ILDR2: variants seen among roughly 807,000 people sequenced by gnomAD.
The protein encoded by ILDR2 is immunoglobulin like domain containing receptor 2, also known as immunoglobulin-like domain-containing receptor 2.
Under a neutral mutation model 66.8 loss-of-function variants are expected in ILDR2, and 25 were observed. That is an observed-to-expected ratio of 0.37 (90% CI 0.27 to 0.52). The LOEUF (loss-of-function observed/expected upper bound fraction) is 0.52. ILDR2 is among the 20% of genes least tolerant of loss of function. ILDR2 has a pLI of 0.88. For synonymous variants in ILDR2, 367 were observed against 357.2 expected (o/e 1.03, Z -0.31); for missense variants, 827 against 876.8 (o/e 0.94, Z 0.72).
chr1:166,939,675 T>C, intron 3 of ILDR2, 105 bp from the exon 4 acceptor site: 2 of 824,728 alleles, frequency 2.4e-6, no homozygotes, highest in Non-Finnish European at 4.1e-6. Flanking sequence ...CGGCCATTAG[T>C]GCATGCTCTT....
chr1:166,909,751 AT>A lies in ILDR2; in HGVS notation c.*9603del, dbSNP rs1659426016. On this transcript the variant is annotated 3_prime_UTR_variant, in exon 10 of 10. Transcript: ENST00000271417. ...TGTATACATACATATATATATATAT[AT>A]ATATATAAATATATATAAATATATA... 2 of 71,160 alleles carry A rather than the reference AT, an allele frequency of 2.8e-5. No homozygotes were observed. The highest frequency in any genetic ancestry group is 7.4e-5 in the African/African-American group (1 of 13,428). The allele number at this position is 71,160 out of a possible 1,614,324, so 4.4% of individuals were successfully genotyped here. A position where few individuals can be genotyped will look rare whatever the true frequency, so the allele number is the denominator to read the frequency against.
intron 1 of ILDR2, among the ~76,000 whole-genome samples, chr1:166,971,960 C>A (rs967487310): frequency 6.6e-6 from 1 of 152,082 alleles, no homozygotes; most frequent in Non-Finnish European, 1.5e-5. Flanking sequence ...ATCTGTAATC[C>A]CAGCACTTTG....
Position 166,936,647 on chromosome 1 carries a change from C to A in ILDR2, c.647G>T (p.Cys216Phe). Residue 216 changes from cysteine (C) to phenylalanine (F), a missense_variant, in exon 5 of 10, where the codon TGC (cysteine) becomes TTC (phenylalanine). This residue lies in a region of ILDR2 where 437 missense variants were observed against 523.2 expected (regional missense o/e 0.84). Coordinates refer to ENST00000271417, the MANE Select transcript of ILDR2 (RefSeq NM_199351.3). This position sits in a 1 kb window ranked among gnomAD's most constrained non-coding sequence, Gnocchi z 5.0. ...GCATGGGCAGCGGACATAGCAGCAG[C>A]AGCTGTGAGGGCAGCACTGGCACCA... Reference protein sequence around the residue: ...ICWCQCCPHSCCCYVRCPCCP... With the variant: ...ICWCQCCPHSFCCYVRCPCCP... 1 of 1,614,014 alleles carries A rather than the reference C, an allele frequency of 6.2e-7. No individual in the cohort carries two copies. The highest frequency in any genetic ancestry group is 8.5e-7 in the Non-Finnish European group (1 of 1,179,898).
rs765518152 is a variant in ILDR2 at position 166,922,719 on chromosome 1, G to A, written c.1085C>T (p.Pro362Leu). 1 of 1,614,200 alleles carries A rather than the reference G, an allele frequency of 6.2e-7. No individual in the cohort carries two copies. Among genetic ancestry groups the A allele is most frequent in the Non-Finnish European group, 8.5e-7 (1 of 1,180,024 alleles). Residue 362 changes from proline (P) to leucine (L), a missense_variant, in exon 8 of 10, where the codon CCT (proline) becomes CTT (leucine). Pro to Leu is a moderately conservative substitution (Grantham distance 98). Around this residue, in one of 2 missense-constraint regions of ILDR2, gnomAD observed 437 missense variants for 523.2 expected, o/e 0.84. Coordinates refer to ENST00000271417, the MANE Select transcript of ILDR2 (RefSeq NM_199351.3). ...ATTGCTCTCCAAGTCCCCAGACACAGGGAACTGCTTGCTTCTCATCTGATG... is the reference window on the plus strand; with the variant it reads ...ATTGCTCTCCAAGTCCCCAGACACAAGGAACTGCTTGCTTCTCATCTGATG... ...SFHQMRSKQF[P>L]VSGDLESNPD...
At chr1:166,905,913 C>A (rs1486136052), downstream of ILDR2, among the ~76,000 whole-genome samples, 3 of 152,192 alleles carry the variant, frequency 2.0e-5, no homozygotes, top group African/African-American at 7.2e-5. Context: ...TCATCGCTTG[C>A]CTTCCTCACT....
intron 1 of ILDR2, among the ~76,000 whole-genome samples, chr1:166,967,754 TCAAAA>T (rs776397504): frequency 1.3e-4 from 20 of 152,244 alleles, no homozygotes; most frequent in African/African-American, 4.6e-4. Context: ...GGACTCTGTC[TCAAAA>T]CAAAACAAAA....
At position 166,918,447 on chromosome 1, in the gene ILDR2, C is replaced by A. The variant is rs1204799085; in HGVS notation, c.*908G>T. On this transcript the variant is annotated 3_prime_UTR_variant, in exon 10 of 10. Coordinates refer to ENST00000271417, the MANE Select transcript of ILDR2 (RefSeq NM_199351.3). ...TTTTCTATATGCATTACTGCTTTCTCCTCTTTCCTCCCTCTTCTCTTTCAT... is the reference window on the plus strand; with the variant it reads ...TTTTCTATATGCATTACTGCTTTCTACTCTTTCCTCCCTCTTCTCTTTCAT... 1 of 152,196 alleles carries A rather than the reference C, an allele frequency of 6.6e-6. No homozygotes were observed. The highest frequency in any genetic ancestry group is 1.9e-4 in the East Asian group (1 of 5,202). The allele number at this position is 152,196 out of a possible 1,614,324, so 9.4% of individuals were successfully genotyped here. A position where few individuals can be genotyped will look rare whatever the true frequency, so the allele number is the denominator to read the frequency against.
chr1:166,922,232 C>T (rs901956709), intron 8 of ILDR2, among the ~76,000 whole-genome samples: 12 of 151,556 alleles, frequency 7.9e-5, no homozygotes, highest in Admixed American at 2.6e-4. Flanking sequence ...AGTCTGTCAA[C>T]GTGGCAAAAC....
At chr1:166,974,367 G>A (rs948581137) in intron 1 of ILDR2, among the ~76,000 whole-genome samples, 5 of 152,136 alleles carry the variant, frequency 3.3e-5, no homozygotes, top group African/African-American at 1.2e-4. Flanking sequence ...GTATCCCTAT[G>A]GGAATCGGAA....
rs1033543241 is a variant in ILDR2, at chr1:166,909,293, G to A, written c.*10062C>T. 2 of 152,098 alleles carry A rather than the reference G, an allele frequency of 1.3e-5. No individual in the cohort carries two copies. The highest frequency in any genetic ancestry group is 4.8e-5 in the African/African-American group (2 of 41,404). 9.4% of individuals were successfully genotyped at this position (152,098 alleles called of 1,614,324 possible). A position where few individuals can be genotyped will look rare whatever the true frequency, so the allele number is the denominator to read the frequency against. On this transcript the variant is annotated 3_prime_UTR_variant, in exon 10 of 10. Transcript: ENST00000271417. ...CTTTTGGAGTAAGTCTATCCTCACTGAGAAAATGTATTGATGTAAAAACAC... is the reference window on the plus strand; with the variant it reads ...CTTTTGGAGTAAGTCTATCCTCACTAAGAAAATGTATTGATGTAAAAACAC...
At position 166,901,618 on chromosome 1, in the gene ILDR2, G is replaced by A. The variant is rs567404154; in HGVS notation, n.171+5435C>T. Among the ~76,000 whole-genome samples, 36 of 152,194 alleles carry A rather than the reference G, an allele frequency of 2.4e-4. No homozygotes were observed. The South Asian group carries it at 3.1e-3, about 13-fold the overall frequency. ...GGCTGATTTCTCAAATGTTATAGAC[G>A]TGACTTCCAAAAGGGAGACAGTTTT... is the stretch of plus-strand genomic sequence containing the variant. On this transcript the variant is annotated intron_variant and non_coding_transcript_variant, in intron 2 of 2. Coordinates refer to the ILDR2 transcript ENST00000414590.
intron 1 of ILDR2, among the ~76,000 whole-genome samples, chr1:166,970,347 T>C (rs1173548119): frequency 1.3e-5 from 2 of 152,184 alleles, no homozygotes; most frequent in Non-Finnish European, 2.9e-5. Context: ...AATAAATAAC[T>C]GGGTCTCCCT....
At chr1:166,924,708 C>T (rs948595696) in intron 7 of ILDR2, among the ~76,000 whole-genome samples, 1 of 152,128 alleles carries the variant, frequency 6.6e-6, no homozygotes, top group African/African-American at 2.4e-5. Flanking sequence ...TCCAATAAAC[C>T]TTTATTTATA....
At chr1:166,948,592 T>C (rs1010495597) in intron 3 of ILDR2, among the ~76,000 whole-genome samples, 6 of 152,108 alleles carry the variant, frequency 3.9e-5, no homozygotes, top group Non-Finnish European at 8.8e-5. Context: ...ACAGAATGCT[T>C]TCAAACCCAC....
chr1:166,946,005 C>T (rs1661591013), intron 3 of ILDR2, among the ~76,000 whole-genome samples: 1 of 152,232 alleles, frequency 6.6e-6, no homozygotes, highest in Admixed American at 6.5e-5. Context: ...CAGGGATGTA[C>T]TGTATCCACC....
chr1:166,920,788 G>A lies in ILDR2; in HGVS notation c.1803C>T (p.Arg601=), dbSNP rs765636434. ...GGTCGCGGCCGCGGTAGGACGGGCC[G>A]CGGGTCAGCTCCAGCTCGCTGTAGG... ...LPPYSELELT[R]GPSYRGRDLP... Residue 601 remains arginine, a synonymous_variant, in exon 9 of 10, where the codon CGC becomes CGT. Transcript: ENST00000271417. 16 of 1,526,692 alleles carry A rather than the reference G, an allele frequency of 1.0e-5. No individual in the cohort carries two copies. The highest frequency in any genetic ancestry group is 2.7e-5 in the East Asian group (1 of 37,716). The allele number at this position is 1,526,692 out of a possible 1,614,324, so 94.6% of individuals were successfully genotyped here.
At chr1:166,968,031 T>C (rs759853181) in intron 1 of ILDR2, among the ~76,000 whole-genome samples, 3 of 152,120 alleles carry the variant, frequency 2.0e-5, no homozygotes, top group Non-Finnish European at 2.9e-5. Flanking sequence ...GCCTTGTCCA[T>C]GTCTAATCTA....
rs1212525411 is a variant in ILDR2, at chr1:166,916,413, C to T, written c.*2942G>A. The T allele has an allele frequency of 6.6e-6, 1 of 152,208 alleles. No individual in the cohort carries two copies. The highest frequency in any genetic ancestry group is 2.4e-5 in the African/African-American group (1 of 41,438). The allele number at this position is 152,208 out of a possible 1,614,324, so 9.4% of individuals were successfully genotyped here. ...TATGTATAAAATCTCCTTTCTTGAG[C>T]ATGTCTTATTTCCCCTATTAAATTA... On this transcript the variant is annotated 3_prime_UTR_variant, in exon 10 of 10. Transcript: ENST00000271417.
chr1:166,921,220 G>T lies in ILDR2; in HGVS notation c.1371C>A (p.Phe457Leu). The part of the protein sequence containing the change: ...NSHEARGGSR[F>L]ERSESRAHSG... The stretch of plus-strand genomic sequence containing the variant: ...TGTGCGCCCGCGACTCCGAGCGCTC[G>T]AAGCGGCTCCCGCCCCGCGCCTCGT... The change falls in exon 9 of 10, where the codon TTC becomes TTA. Residue 457 changes from phenylalanine to leucine, a missense_variant. Coordinates refer to ENST00000271417, the MANE Select transcript of ILDR2 (RefSeq NM_199351.3). This position sits in a 1 kb window ranked among gnomAD's most constrained non-coding sequence, Gnocchi z 5.3. 1 of 1,592,048 alleles carries T rather than the reference G, an allele frequency of 6.3e-7. No individual in the cohort carries two copies. The highest frequency in any genetic ancestry group is 1.1e-5 in the South Asian group (1 of 89,584).
Sources: gnomAD v4.1 joint callset for allele counts (sites outside exome capture counted in the v4.1 genomes callset) on GRCh38, gnomAD v4.1.1 for gene constraint, gnomAD v4.1.1 regional missense constraint, Gnocchi (gnomAD v3.1) non-coding constraint, MANE v1.5 for transcripts, NCBI Gene and HGNC (gene_info 2026-07-23, HGNC 2026-07-21) for gene names.